MCHR2: variants seen among roughly 807,000 people sequenced by gnomAD.
The protein encoded by MCHR2 is melanin concentrating hormone receptor 2.
In MCHR2, 15 loss-of-function variants were observed where a neutral mutation model predicts 24.8. The ratio of observed to expected loss-of-function variants is 0.60; its 90% CI spans 0.40 to 0.93. The LOEUF is 0.93. Ranked by LOEUF, MCHR2 falls within the 40% of genes least tolerant of loss-of-function variation. The pLI is 0.00. For missense variants in MCHR2, 386 were observed against 408.7 expected (o/e 0.94, Z 0.48); for synonymous variants, 151 against 147.6 (o/e 1.02, Z -0.17).
chr6:99,933,748 A>G (rs546816431), intron 5 of MCHR2, among the ~76,000 whole-genome samples: 1 of 152,270 alleles, frequency 6.6e-6, no homozygotes, highest in South Asian at 2.1e-4. Flanking sequence ...AATGTTTAAT[A>G]AATGTAAGTG....
chr6:99,967,468 G>A (rs1308980374), intron 1 of MCHR2, among the ~76,000 whole-genome samples: 1 of 152,098 alleles, frequency 6.6e-6, no homozygotes, highest in Non-Finnish European at 1.5e-5. Context: ...ACATGGCAGT[G>A]ATAATTTCAT....
intron 3 of MCHR2, among the ~76,000 whole-genome samples, chr6:99,945,644 C>G (rs1774859949): frequency 6.6e-6 from 1 of 152,150 alleles, no homozygotes; most frequent in South Asian, 2.1e-4. Context: ...CCTCATTTCT[C>G]TTTTACAAAA....
At chr6:99,937,242 C>T (rs1774679940) in intron 4 of MCHR2, among the ~76,000 whole-genome samples, 1 of 151,786 alleles carries the variant, frequency 6.6e-6, no homozygotes, top group African/African-American at 2.4e-5. Flanking sequence ...TCTGATATTA[C>T]ATTGAATAAA....
chr6:99,964,642 C>T (rs1427753722), intron 1 of MCHR2, among the ~76,000 whole-genome samples: 2 of 152,092 alleles, frequency 1.3e-5, no homozygotes, highest in African/African-American at 2.4e-5. Context: ...GATCCAATTA[C>T]TTCCACCCTT....
chr6:99,982,086 T>C (rs1775679539), intron 1 of MCHR2, among the ~76,000 whole-genome samples: 1 of 152,138 alleles, frequency 6.6e-6, no homozygotes, highest in Admixed American at 6.5e-5. Context: ...CCCCGCTCCC[T>C]ACCTGTCTCT....
chr6:99,942,920 C>A, intron 4 of MCHR2, 29 bp downstream of exon 4: 2 of 1,564,588 alleles, frequency 1.3e-6, no homozygotes, highest in South Asian at 1.2e-5. Flanking sequence ...CTTAATTCAA[C>A]TCGTTTTTCT....
intron 1 of MCHR2, among the ~76,000 whole-genome samples, chr6:99,967,684 G>A (rs1775319060): frequency 1.3e-5 from 2 of 152,044 alleles, no homozygotes; most frequent in Admixed American, 1.3e-4. Context: ...CAGTTCAATA[G>A]CCACAATGTG....
intron 2 of MCHR2, among the ~76,000 whole-genome samples, chr6:99,951,003 A>G (rs1774954300): frequency 6.6e-6 from 1 of 152,124 alleles, no homozygotes; most frequent in South Asian, 2.1e-4. Flanking sequence ...GGAGGAGAGG[A>G]GAAGCCAGAA....
At chr6:99,924,372 ATCTCT>A (rs1244822169) in intron 5 of MCHR2, among the ~76,000 whole-genome samples, 5 of 151,418 alleles carry the variant, frequency 3.3e-5, no homozygotes, top group Admixed American at 2.0e-4. Flanking sequence ...TGTTTCACTG[ATCTCT>A]TCTATTGTTT....
intron 5 of MCHR2, among the ~76,000 whole-genome samples, chr6:99,929,709 T>C (rs1370648384): frequency 6.6e-6 from 1 of 152,210 alleles, no homozygotes; most frequent in East Asian, 1.9e-4. Context: ...TTCTCCATCC[T>C]TTTATTTTGA....
intron 5 of MCHR2, among the ~76,000 whole-genome samples, chr6:99,926,496 G>A (rs954099697): frequency 6.6e-6 from 1 of 152,108 alleles, no homozygotes; most frequent in African/African-American, 2.4e-5. Context: ...TCCAGCACCT[G>A]TTGTTTCCTG....
chr6:99,974,774 A>G (rs1775513368), intron 1 of MCHR2, among the ~76,000 whole-genome samples: 1 of 152,216 alleles, frequency 6.6e-6, no homozygotes, highest in Non-Finnish European at 1.5e-5. Flanking sequence ...TCCTTCTAAC[A>G]GACAGGACCC....
At chr6:99,951,038 G>A (rs1774954880) in intron 2 of MCHR2, among the ~76,000 whole-genome samples, 1 of 152,098 alleles carries the variant, frequency 6.6e-6, no homozygotes, top group Non-Finnish European at 1.5e-5. Context: ...CATGGTCCAA[G>A]ATACCAGTGG....
At chr6:99,950,326 A>G (rs1325590962) in intron 2 of MCHR2, among the ~76,000 whole-genome samples, 5 of 152,168 alleles carry the variant, frequency 3.3e-5, no homozygotes, top group Non-Finnish European at 7.4e-5. Context: ...ATTTCTAACT[A>G]TATAAATTAT....
Position 99,976,489 on chromosome 6 carries a change from A to G in MCHR2, c.-28+17447T>C, listed in dbSNP as rs536037458. Among the ~76,000 whole-genome samples the G allele has an allele frequency of 1.6e-3, 239 of 152,334 alleles. 1 individual carries two copies. The highest frequency in any genetic ancestry group is 5.4e-3 in the African/African-American group (223 of 41,568). Reference sequence around the variant, plus strand: ...GGTGACTGATGGTGTGAAGGAGCAGAACTGCTGTAGGCCCTAGTTGTGTAG... The same window carrying G: ...GGTGACTGATGGTGTGAAGGAGCAGGACTGCTGTAGGCCCTAGTTGTGTAG... On this transcript the variant is annotated intron_variant, in intron 1 of 5. Transcript: ENST00000281806.
At chr6:99,952,768 G>C (rs1014227906) in intron 2 of MCHR2, among the ~76,000 whole-genome samples, 1 of 152,046 alleles carries the variant, frequency 6.6e-6, no homozygotes, top group African/African-American at 2.4e-5. Context: ...TTTTTGGAGA[G>C]CCATGTGCAA....
chr6:99,947,708 G>A, intron 3 of MCHR2, 54 bp downstream of exon 3: 1 of 1,559,144 alleles, frequency 6.4e-7, no homozygotes, highest in Non-Finnish European at 8.7e-7. Flanking sequence ...ATGAGCTTGG[G>A]GAAGCACAGG....
At chr6:99,926,995 G>C (rs1197417895) in intron 5 of MCHR2, among the ~76,000 whole-genome samples, 2 of 152,104 alleles carry the variant, frequency 1.3e-5, no homozygotes, top group African/African-American at 4.8e-5. Context: ...TTTAATCCAT[G>C]TTGAATTAAT....
At chr6:99,961,517 T>G (rs1209541145) in intron 1 of MCHR2, among the ~76,000 whole-genome samples, 1 of 152,196 alleles carries the variant, frequency 6.6e-6, no homozygotes, top group East Asian at 1.9e-4. Flanking sequence ...CATGGAATAC[T>G]ATGCAGTTAT....
Sources: allele counts gnomAD v4.1 joint callset (sites outside exome capture counted in the v4.1 genomes callset), GRCh38; gene constraint gnomAD v4.1.1; transcripts MANE v1.5; gene names NCBI Gene and HGNC (gene_info 2026-07-23, HGNC 2026-07-21).